CFAP251: variants seen among roughly 807,000 people sequenced by gnomAD.
The protein encoded by CFAP251 is cilia- and flagella-associated protein 251.
CFAP251 carries 93 observed loss-of-function variants against 126.7 expected under a neutral mutation model. The observed-to-expected ratio is 0.73, with a 90% CI of 0.62 to 0.87. The LOEUF (loss-of-function observed/expected upper bound fraction) is 0.87, where lower values mean the gene tolerates loss of function less well. CFAP251 is among the 40% of genes least tolerant of loss of function. The probability of loss-of-function intolerance (pLI) is 0.00; values close to 1 mark genes in which losing one functional copy is unlikely to be tolerated. For synonymous variants in CFAP251, 503 were observed against 506.9 expected (o/e 0.99, Z 0.10); for missense variants, 1,287 against 1,389.2 (o/e 0.93, Z 1.17).
At chr12:121,970,444 C>T (rs1882295287) in intron 17 of CFAP251, among the ~76,000 whole-genome samples, 1 of 152,232 alleles carries the variant, frequency 6.6e-6, no homozygotes, top group African/African-American at 2.4e-5. Flanking sequence ...CTTCTCGGAG[C>T]CTCAGTTCCT....
chr12:121,994,906 A>G (rs371823294), intron 19 of CFAP251, among the ~76,000 whole-genome samples: 21 of 147,698 alleles, frequency 1.4e-4, no homozygotes, highest in African/African-American at 5.0e-4. Flanking sequence ...CTATTGTCCC[A>G]TGACCCTGCC....
Position 121,921,799 on chromosome 12 carries a change from T to TTC in CFAP251, c.378+117_378+118insCT, listed in dbSNP as rs912867284. On this transcript the variant is annotated intron_variant, in intron 2 of 21. Coordinates refer to ENST00000288912, the MANE Select transcript of CFAP251 (RefSeq NM_144668.6). ...ATAAGGTACAATCCATTCCTTTTTTTTTTTTTTTGAGACAGAGTCTCACTG... is the reference window on the plus strand; with the variant it reads ...ATAAGGTACAATCCATTCCTTTTTTTTCTTTTTTTTGAGACAGAGTCTCACTG... 14 of 1,222,338 alleles carry TTC rather than the reference T, an allele frequency of 1.1e-5. No homozygotes were observed. In the African/African-American group the frequency reaches 1.9e-4, roughly 16 times the overall value. The allele number at this position is 1,222,338 out of a possible 1,614,324, so 75.7% of individuals were successfully genotyped here.
intron 10 of CFAP251, among the ~76,000 whole-genome samples, chr12:121,954,802 C>A (rs1423381728): frequency 6.6e-6 from 1 of 151,818 alleles, no homozygotes; most frequent in African/African-American, 2.4e-5. Context: ...GGATTTACTT[C>A]TTTTTATAGT....
At chr12:121,979,333 T>G (rs760653535) in intron 19 of CFAP251, among the ~76,000 whole-genome samples, 1 of 152,116 alleles carries the variant, frequency 6.6e-6, no homozygotes, top group African/African-American at 2.4e-5. Flanking sequence ...AGAGTGGCAT[T>G]TTCCAAAGAG....
intron 19 of CFAP251, among the ~76,000 whole-genome samples, chr12:121,986,361 G>C (rs1162520812): frequency 2.0e-5 from 3 of 149,256 alleles, no homozygotes; most frequent in Non-Finnish European, 3.0e-5. Context: ...GCAGTGGCAC[G>C]ATCTCAGCTC....
At chr12:121,963,448 A>G (rs1266256610) in intron 15 of CFAP251, among the ~76,000 whole-genome samples, 1 of 151,468 alleles carries the variant, frequency 6.6e-6, no homozygotes, top group East Asian at 2.0e-4. Context: ...AGGTCCCGGG[A>G]GAGGCTGGGC....
chr12:121,949,067 CA>C lies in CFAP251; in HGVS notation c.1269+7del. 1 of 1,554,462 alleles carries C rather than the reference CA, an allele frequency of 6.4e-7. No homozygotes were observed. Among genetic ancestry groups the C allele is most frequent in the Non-Finnish European group, 8.7e-7 (1 of 1,145,670 alleles). On this transcript the variant is annotated splice_region_variant and intron_variant, in intron 8 of 21. Coordinates refer to ENST00000288912, the MANE Select transcript of CFAP251 (RefSeq NM_144668.6). Reference sequence around the variant, plus strand: ...GGGCAATATATTATGCATGGGTAAGCAGAAATATTTTGATTTGTTTTAAATG... The same window carrying C: ...GGGCAATATATTATGCATGGGTAAGCGAAATATTTTGATTTGTTTTAAATG...
intron 3 of CFAP251, among the ~76,000 whole-genome samples, chr12:121,931,349 G>A (rs1032724747): frequency 1.3e-5 from 2 of 151,774 alleles, no homozygotes; most frequent in East Asian, 3.9e-4. Context: ...TTCTCACACT[G>A]TCGCCCGGGC....
Position 121,921,258 on chromosome 12 carries a change from C to G in CFAP251, c.-20-28C>G, listed in dbSNP as rs1489627371. 9 of 1,527,004 alleles carry G rather than the reference C, an allele frequency of 5.9e-6. No individual in the cohort carries two copies. In the Admixed American group the frequency reaches 2.0e-4, roughly 35 times the overall value. 94.6% of individuals were successfully genotyped at this position (1,527,004 alleles called of 1,614,324 possible). ...ATGGAAATGGGAAGCTGAGGGCCAG[C>G]TGGTTATTATGGTCAAAATCTCTCT... On this transcript the variant is annotated intron_variant, in intron 1 of 21. Transcript: ENST00000288912.
At chr12:121,977,048 T>C (rs1008759864) in intron 19 of CFAP251, among the ~76,000 whole-genome samples, 1 of 152,248 alleles carries the variant, frequency 6.6e-6, no homozygotes, top group East Asian at 1.9e-4. Flanking sequence ...CTGAGAACTG[T>C]GTCATTAAGC....
chr12:121,986,773 G>GA lies in CFAP251; in HGVS notation c.3006+11102dup, dbSNP rs77069413. Among the ~76,000 whole-genome samples the GA allele has an allele frequency of 1.7e-3, 161 of 96,460 alleles. 3 individuals are homozygous for GA. Among genetic ancestry groups the GA allele is most frequent in the South Asian group, 9.9e-3 (27 of 2,740 alleles). 63.3% of individuals were successfully genotyped at this position (96,460 alleles called of 152,430 possible). ...AGTGAGACTCTGTCTCAAAGAAAAA[G>GA]AAAAAAAAAAAAAAGCCCATCTAGG... On this transcript the variant is annotated intron_variant, in intron 19 of 21. Transcript: ENST00000288912.
intron 4 of CFAP251, among the ~76,000 whole-genome samples, chr12:121,933,899 G>GTGTTCTAGAGAGAAGAGGC (rs1211215573): frequency 6.6e-6 from 1 of 152,190 alleles, no homozygotes; most frequent in African/African-American, 2.4e-5. Context: ...GAAGTGAGCA[G>GTGTTCTAGAGAGAAGAGGC]TGTTCTAGAG....
Position 121,960,621 on chromosome 12 carries a change from G to A in CFAP251, c.2170G>A (p.Val724Ile), listed in dbSNP as rs375350991. 6.2e-7 allele frequency: 1 copy of A among 1,614,174 alleles called. No individual in the cohort carries two copies. Among genetic ancestry groups the A allele is most frequent in the Admixed American group, 1.7e-5 (1 of 60,024 alleles). ...SFTVAVYMLVVRNGQRVWEYL... is the reference protein window; with the variant it reads ...SFTVAVYMLVIRNGQRVWEYL... The stretch of plus-strand genomic sequence containing the variant: ...TACTGTGGCTGTTTACATGCTGGTG[G>A]TCAGAAATGGACAGAGGGTCTGGGA... Residue 724 changes from valine to isoleucine, a missense_variant, in exon 14 of 22, where the codon GTC becomes ATC. Physicochemically the swap from Val to Ile is conservative, Grantham distance 29 (BLOSUM62 3). Transcript: ENST00000288912.
At chr12:121,964,733 C>G (rs1882062918) in intron 15 of CFAP251, among the ~76,000 whole-genome samples, 2 of 152,080 alleles carry the variant, frequency 1.3e-5, no homozygotes, top group African/African-American at 4.8e-5. Flanking sequence ...AACCCTGTCT[C>G]TACTAAAAAT....
In CFAP251 at chr12:121,978,393, C is replaced by CAAAAAAAAAAAAAAAAAAAAAAAAA. The variant is rs10642280; in HGVS notation, c.3006+2712_3006+2736dup. Reference sequence around the variant, plus strand: ...TGGGCGACAGAGCAAGACTCTGTCTCAAAAAAAAAAAAAAAAAAAAAAAAA... The same window carrying CAAAAAAAAAAAAAAAAAAAAAAAAA: ...TGGGCGACAGAGCAAGACTCTGTCTCAAAAAAAAAAAAAAAAAAAAAAAAAAAAAAAAAAAAAAAAAAAAAAAAAA... On this transcript the variant is annotated intron_variant, in intron 19 of 21. Transcript: ENST00000288912. Among the ~76,000 whole-genome samples, 11 of 42,108 alleles carry CAAAAAAAAAAAAAAAAAAAAAAAAA rather than the reference C, an allele frequency of 2.6e-4. 1 individual carries two copies. The highest frequency in any genetic ancestry group is 4.4e-4 in the East Asian group (1 of 2,264). 27.6% of individuals were successfully genotyped at this position (42,108 alleles called of 152,430 possible). A position where few individuals can be genotyped will look rare whatever the true frequency, so the allele number is the denominator to read the frequency against.
intron 7 of CFAP251, among the ~76,000 whole-genome samples, chr12:121,947,264 A>C (rs1202453158): frequency 6.6e-6 from 1 of 151,978 alleles, no homozygotes; most frequent in Admixed American, 6.6e-5. Context: ...ATTTTAAATC[A>C]TTTTTTCAGG....
Position 121,968,047 on chromosome 12 carries a change from G to A in CFAP251, c.2649G>A (p.Lys883=). Residue 883 remains lysine (K), a synonymous_variant, in exon 17 of 22, where the codon AAG becomes AAA. Coordinates refer to ENST00000288912, the MANE Select transcript of CFAP251 (RefSeq NM_144668.6). Reference sequence around the variant, plus strand: ...TACCAGTTGACGGCAATCCACATAAGACATCTGCTATTGTTTGCCACCCGA... The same window carrying A: ...TACCAGTTGACGGCAATCCACATAAAACATCTGCTATTGTTTGCCACCCGA... ...QILPVDGNPH[K]TSAIVCHPNG... 1 of 1,613,092 alleles carries A rather than the reference G, an allele frequency of 6.2e-7. No individual in the cohort carries two copies. The highest frequency in any genetic ancestry group is 8.5e-7 in the Non-Finnish European group (1 of 1,179,176).
chr12:121,928,765 C>T (rs956998781), intron 3 of CFAP251, among the ~76,000 whole-genome samples: 14 of 150,308 alleles, frequency 9.3e-5, no homozygotes, highest in Admixed American at 8.0e-4. Context: ...ATGACGATCT[C>T]GGCTCACAGC....
intron 19 of CFAP251, among the ~76,000 whole-genome samples, chr12:121,980,782 C>T (rs1039081154): frequency 1.3e-5 from 2 of 152,196 alleles, no homozygotes; most frequent in African/African-American, 2.4e-5. Context: ...TAACCAAATA[C>T]CCACCTCCTC....
Sources: gnomAD v4.1 joint callset for allele counts (sites outside exome capture counted in the v4.1 genomes callset) on GRCh38, gnomAD v4.1.1 for gene constraint, MANE v1.5 for transcripts, NCBI Gene and HGNC (gene_info 2026-07-23, HGNC 2026-07-21) for gene names.